Variants in PLEKHG3 observed in about 807,000 individuals in gnomAD.
PLEKHG3 encodes pleckstrin homology domain-containing family G member 3.
In PLEKHG3, 62 loss-of-function variants were observed where a neutral mutation model predicts 94.9. That is an observed-to-expected ratio of 0.65 (90% CI 0.53 to 0.81). The LOEUF (loss-of-function observed/expected upper bound fraction) is 0.81. Among genes scored for constraint, PLEKHG3 ranks in the 30% least tolerant of loss-of-function variants. PLEKHG3 has a pLI of 0.00. For synonymous variants in PLEKHG3, 614 were observed against 654.0 expected (o/e 0.94, Z 0.93); for missense variants, 1,461 against 1,619.3 (o/e 0.90, Z 1.68).
rs1185545882 is a variant in PLEKHG3, at chr14:64,730,280, C to A, written c.487C>A (p.Pro163Thr). ...LRDLDSCNSDPVAVASCFVER... is the reference protein window; with the variant it reads ...LRDLDSCNSDTVAVASCFVER... ...AGACCTGGACAGCTGCAATAGTGAC[C>A]CCGTGGCTGTGGCCAGCTGCTTTGT... Residue 163 changes from proline (P) to threonine (T), a missense_variant, in exon 4 of 17, where the codon CCC becomes ACC. Pro to Thr is a conservative substitution (Grantham distance 38). Transcript: ENST00000247226. The surrounding 1 kb of genome is among the most constrained non-coding windows in gnomAD (Gnocchi z 5.4). 1 of 1,535,324 alleles carries A rather than the reference C, an allele frequency of 6.5e-7. No individual in the cohort carries two copies. Among genetic ancestry groups the A allele is most frequent in the Admixed American group, 2.0e-5 (1 of 50,998 alleles).
chr14:64,705,969 AG>A (rs1314285912), intron 1 of PLEKHG3, among the ~76,000 whole-genome samples: 2 of 152,272 alleles, frequency 1.3e-5, no homozygotes, highest in African/African-American at 4.8e-5. Context: ...CCTGGAAGAT[AG>A]GACAACCCAT....
chr14:64,743,366 G>T lies in PLEKHG3; in HGVS notation c.3323G>T (p.Gly1108Val). The change falls in exon 17 of 17, where the codon GGA (glycine) becomes GTA (valine). Residue 1108 changes from glycine (G) to valine (V), a missense_variant. Around this residue, in one of 3 missense-constraint regions of PLEKHG3, gnomAD observed 1,201 missense variants for 1,295.5 expected, o/e 0.93. Transcript: ENST00000247226. This position sits in a 1 kb window ranked among gnomAD's most constrained non-coding sequence, Gnocchi z 7.2. ...AGCCTGAGCACCAAGAGGGGCCGGG[G>T]AGGCGGAGAGGCTGCCCAATCCCCT... ...CRSLSTKRGR[G>V]GGEAAQSPGP... The T allele has an allele frequency of 6.2e-7, 1 of 1,607,888 alleles. No individual in the cohort carries two copies. Among genetic ancestry groups the T allele is most frequent in the South Asian group, 1.1e-5 (1 of 90,814 alleles).
In PLEKHG3 at chr14:64,718,817, C is replaced by T. The variant is rs948269734; in HGVS notation, c.-39-8776C>T. ...GCCCTGGCCCTCCCAGATGTCTACC[C>T]TGCAGATGGGTTTAAAACCCACGGA... On this transcript the variant is annotated intron_variant, in intron 1 of 16. Transcript: ENST00000247226. This position sits in a 1 kb window ranked among gnomAD's most constrained non-coding sequence, Gnocchi z 5.0. Among the ~76,000 whole-genome samples the T allele has an allele frequency of 4.6e-5, 7 of 152,200 alleles. No individual in the cohort carries two copies. The highest frequency in any genetic ancestry group is 1.7e-4 in the African/African-American group (7 of 41,438).
At chr14:64,709,951 C>T (rs1339042838) in intron 1 of PLEKHG3, among the ~76,000 whole-genome samples, 1 of 152,146 alleles carries the variant, frequency 6.6e-6, no homozygotes, top group Non-Finnish European at 1.5e-5. Flanking sequence ...CTGTTCCTGA[C>T]AGAGAATGTC....
Position 64,741,047 on chromosome 14 carries a change from C to G in PLEKHG3, c.1530C>G (p.Asp510Glu). Reference protein sequence around the residue: ...SISSLPEVEPDPEAGSEQEVF... With the variant: ...SISSLPEVEPEPEAGSEQEVF... ...CTGCTATGTTTCAGGTTGAGCCGGACCCTGAGGCTGGGAGTGAGCAAGAGG... is the reference window on the plus strand; with the variant it reads ...CTGCTATGTTTCAGGTTGAGCCGGAGCCTGAGGCTGGGAGTGAGCAAGAGG... The change falls in exon 16 of 17, where the codon GAC becomes GAG. Residue 510 changes from aspartate (D) to glutamate (E), a missense_variant. This residue lies in a region of PLEKHG3 where 1,201 missense variants were observed against 1,295.5 expected (regional missense o/e 0.93). Transcript: ENST00000247226. The G allele has an allele frequency of 1.3e-6, 2 of 1,586,792 alleles. No individual in the cohort carries two copies. Among genetic ancestry groups the G allele is most frequent in the Non-Finnish European group, 1.7e-6 (2 of 1,163,890 alleles).
At chr14:64,740,919 A>G (rs2139396818) in intron 15 of PLEKHG3, 117 bp from the exon 16 acceptor site, 1 of 769,304 alleles carries the variant, frequency 1.3e-6, no homozygotes, top group Non-Finnish European at 2.1e-6. Flanking sequence ...GATTGCCTTG[A>G]GTCCTAAACT....
At position 64,704,439 on chromosome 14, in the gene PLEKHG3, C is replaced by T. The variant is rs559476343; in HGVS notation, c.-305C>T. 1 of 164,222 alleles carries T rather than the reference C, an allele frequency of 6.1e-6. No individual in the cohort carries two copies. The highest frequency in any genetic ancestry group is 1.2e-4 in the East Asian group (1 of 8,306). The allele number at this position is 164,222 out of a possible 1,614,324, so 10.2% of individuals were successfully genotyped here. On this transcript the variant is annotated 5_prime_UTR_variant, in exon 1 of 17. Coordinates refer to ENST00000247226, the MANE Select transcript of PLEKHG3 (RefSeq NM_001308147.2). The surrounding 1 kb of genome is among the most constrained non-coding windows in gnomAD (Gnocchi z 5.6). ...TCGCTCCCTCGCTCCCTCGCTCCCT[C>T]GCTCCCTCCTGCCCTCCCGCTGCAG...
In PLEKHG3 at chr14:64,744,554, C is replaced by T. The variant is rs959595444; in HGVS notation, c.*851C>T. 6.6e-6 allele frequency: 1 copy of T among 152,104 alleles called. No individual in the cohort carries two copies. The highest frequency in any genetic ancestry group is 1.5e-5 in the Non-Finnish European group (1 of 68,008). 9.4% of individuals were successfully genotyped at this position (152,104 alleles called of 1,614,324 possible). A position where few individuals can be genotyped will look rare whatever the true frequency, so the allele number is the denominator to read the frequency against. On this transcript the variant is annotated 3_prime_UTR_variant, in exon 17 of 17. Transcript: ENST00000247226. ...CTTTTTCTTTCTGCTGCCTAGACTC[C>T]CATGGGCTTCTCTGTCTAGCAGCAG...
In PLEKHG3 at chr14:64,750,203, C is replaced by T; in HGVS notation, c.*6500C>T. The T allele has an allele frequency of 1.9e-6, 3 of 1,583,744 alleles. No individual in the cohort carries two copies. The South Asian group carries it at 3.4e-5, about 18-fold the overall frequency. On this transcript the variant is annotated 3_prime_UTR_variant, in exon 17 of 17. Transcript: ENST00000247226. Reference sequence around the variant, plus strand: ...TCACCCACATCCTGATATGGTATCTCTAGAGTCAATTCCTATAGCTTCACC... The same window carrying T: ...TCACCCACATCCTGATATGGTATCTTTAGAGTCAATTCCTATAGCTTCACC...
Position 64,727,630 on chromosome 14 carries a change from G to A in PLEKHG3, c.-2G>A. ...GTGCCCTCCCCAGGCAGCAATGCCA[G>A]GATGCCTGTGTCCACCTCCCTCCAC... On this transcript the variant is annotated 5_prime_UTR_variant, in exon 2 of 17. Coordinates refer to ENST00000247226, the MANE Select transcript of PLEKHG3 (RefSeq NM_001308147.2). This position sits in a 1 kb window ranked among gnomAD's most constrained non-coding sequence, Gnocchi z 6.0. 1 of 1,597,428 alleles carries A rather than the reference G, an allele frequency of 6.3e-7. No individual in the cohort carries two copies. Among genetic ancestry groups the A allele is most frequent in the Non-Finnish European group, 8.6e-7 (1 of 1,166,508 alleles).
At chr14:64,713,105 T>C (rs755857046) in intron 1 of PLEKHG3, among the ~76,000 whole-genome samples, 13 of 152,350 alleles carry the variant, frequency 8.5e-5, no homozygotes, top group Non-Finnish European at 1.8e-4. Flanking sequence ...TGAATTATTT[T>C]AATTAATTTT....
chr14:64,741,396 A>G lies in PLEKHG3; in HGVS notation c.1879A>G (p.Ser627Gly). 1 of 1,613,248 alleles carries G rather than the reference A, an allele frequency of 6.2e-7. No individual in the cohort carries two copies. The part of the protein sequence containing the change: ...SSVAQEDSKS[S>G]GFGSPRLVSR... The stretch of plus-strand genomic sequence containing the variant: ...CGTGGCACAGGAGGACAGCAAGTCC[A>G]GTGGCTTTGGGAGCCCGCGGCTGGT... Residue 627 changes from serine (S) to glycine (G), a missense_variant, in exon 16 of 17, where the codon AGT (serine) becomes GGT (glycine). Physicochemically the swap from Ser to Gly is moderately conservative, Grantham distance 56. Coordinates refer to ENST00000247226, the MANE Select transcript of PLEKHG3 (RefSeq NM_001308147.2).
chr14:64,710,956 G>A (rs1260745816), intron 1 of PLEKHG3, among the ~76,000 whole-genome samples: 1 of 152,122 alleles, frequency 6.6e-6, no homozygotes, highest in Non-Finnish European at 1.5e-5. Flanking sequence ...ATGTTCCCTT[G>A]ACTCTGTTTA....
chr14:64,718,444 T>G lies in PLEKHG3; in HGVS notation c.-39-9149T>G, dbSNP rs2081206383. ...TTCTTACAGATGCCTTGTCTTGTTT[T>G]GCCTTATAGCATATAAGCTCTGAAG... On this transcript the variant is annotated intron_variant, in intron 1 of 16. Coordinates refer to ENST00000247226, the MANE Select transcript of PLEKHG3 (RefSeq NM_001308147.2). This position sits in a 1 kb window ranked among gnomAD's most constrained non-coding sequence, Gnocchi z 5.0. Among the ~76,000 whole-genome samples, 1 of 152,236 alleles carries G rather than the reference T, an allele frequency of 6.6e-6. No homozygotes were observed. The highest frequency in any genetic ancestry group is 6.5e-5 in the Admixed American group (1 of 15,286).
chr14:64,707,650 A>AG (rs1256238207), intron 1 of PLEKHG3, among the ~76,000 whole-genome samples: 1 of 152,272 alleles, frequency 6.6e-6, no homozygotes, highest in Non-Finnish European at 1.5e-5. Context: ...TAGGGTGGCC[A>AG]GGGAGGCTTC....
chr14:64,732,186 G>T lies in PLEKHG3; in HGVS notation c.1212+5G>T, dbSNP rs1392493928. On this transcript the variant is annotated splice_donor_5th_base_variant and intron_variant, in intron 10 of 16. Coordinates refer to ENST00000247226, the MANE Select transcript of PLEKHG3 (RefSeq NM_001308147.2). The surrounding 1 kb of genome is among the most constrained non-coding windows in gnomAD (Gnocchi z 4.9). ...CATGCCACCATTCCCCAGAAGGTGA[G>T]TTCCCCCAGCTCCTGACTGTGTGCA... The T allele has an allele frequency of 6.2e-7, 1 of 1,610,318 alleles. No homozygotes were observed. The highest frequency in any genetic ancestry group is 8.5e-7 in the Non-Finnish European group (1 of 1,176,588).
chr14:64,739,490 G>T lies in PLEKHG3; in HGVS notation c.1518+635G>T, dbSNP rs2081641739. Among the ~76,000 whole-genome samples the T allele has an allele frequency of 6.6e-6, 1 of 152,184 alleles. No individual in the cohort carries two copies. The highest frequency in any genetic ancestry group is 2.1e-4 in the South Asian group (1 of 4,828). ...CCTTTACTTTCCCAAAGTTATAAGGGAAAGATCGTGAGCTACAGCCTGGAC... is the reference window on the plus strand; with the variant it reads ...CCTTTACTTTCCCAAAGTTATAAGGTAAAGATCGTGAGCTACAGCCTGGAC... On this transcript the variant is annotated intron_variant, in intron 15 of 16. Transcript: ENST00000247226. This position sits in a 1 kb window ranked among gnomAD's most constrained non-coding sequence, Gnocchi z 4.1.
In PLEKHG3 at chr14:64,745,121, G is replaced by A. The variant is rs1414635679; in HGVS notation, c.*1418G>A. The A allele has an allele frequency of 1.3e-5, 2 of 152,240 alleles. No individual in the cohort carries two copies. The highest frequency in any genetic ancestry group is 2.4e-5 in the African/African-American group (1 of 41,462). The allele number at this position is 152,240 out of a possible 1,614,324, so 9.4% of individuals were successfully genotyped here. On this transcript the variant is annotated 3_prime_UTR_variant, in exon 17 of 17. Coordinates refer to ENST00000247226, the MANE Select transcript of PLEKHG3 (RefSeq NM_001308147.2). This position sits in a 1 kb window ranked among gnomAD's most constrained non-coding sequence, Gnocchi z 5.0. ...CGGAGACTAGAAATGTCCTAAAGGT[G>A]TCTGCAACATTGGATGAGGAGTACA...
intron 1 of PLEKHG3, among the ~76,000 whole-genome samples, chr14:64,719,045 A>G (rs1004051083): frequency 6.6e-6 from 1 of 151,914 alleles, no homozygotes; most frequent in Non-Finnish European, 1.5e-5. Flanking sequence ...CTCACTTAAT[A>G]CTTCATTTCT....
Sources: gnomAD v4.1 joint callset for allele counts (sites outside exome capture counted in the v4.1 genomes callset) on GRCh38, gnomAD v4.1.1 for gene constraint, gnomAD v4.1.1 regional missense constraint, Gnocchi (gnomAD v3.1) non-coding constraint, MANE v1.5 for transcripts, NCBI Gene and HGNC (gene_info 2026-07-23, HGNC 2026-07-21) for gene names.